The following FNDC3A variants were observed in gnomAD, a reference collection of about 807,000 sequenced individuals.
FNDC3A encodes fibronectin type III domain containing 3A.
FNDC3A carries 32 observed loss-of-function variants against 148.9 expected under a neutral mutation model. The observed-to-expected ratio is 0.21, with a 90% CI of 0.16 to 0.29. The LOEUF is 0.29. Ranked by LOEUF, FNDC3A falls within the 10% of genes least tolerant of loss-of-function variation. The pLI, the probability that FNDC3A is intolerant of heterozygous loss-of-function variation, is 1.00. For synonymous variants in FNDC3A, 472 were observed against 473.6 expected (o/e 1.00, Z 0.04); for missense variants, 1,191 against 1,452.8 (o/e 0.82, Z 2.93).
intron 1 of FNDC3A, among the ~76,000 whole-genome samples, chr13:49,005,161 T>A (rs774901804): frequency 4.6e-5 from 7 of 151,888 alleles, no homozygotes; most frequent in Non-Finnish European, 8.8e-5. Flanking sequence ...GTAGTTGTTA[T>A]ATAGCTACAT....
chr13:49,035,626 T>A (rs898665674), intron 2 of FNDC3A, among the ~76,000 whole-genome samples: 4 of 151,912 alleles, frequency 2.6e-5, no homozygotes, highest in African/African-American at 7.2e-5. Flanking sequence ...GGAAAAAAAA[T>A]TTTCTGATTA....
intron 4 of FNDC3A, among the ~76,000 whole-genome samples, chr13:49,119,075 C>A (rs1881160820): frequency 6.6e-6 from 1 of 152,210 alleles, no homozygotes; most frequent in Non-Finnish European, 1.5e-5. Flanking sequence ...CACCTTCCAG[C>A]AGGGTCGACA....
chr13:49,187,021 T>C (rs2138093688), intron 15 of FNDC3A, 101 bp from the exon 16 acceptor site: 1 of 743,340 alleles, frequency 1.3e-6, no homozygotes, highest in East Asian at 2.7e-5. Context: ...CAGGTGATTT[T>C]TTTTTTTTAA....
chr13:49,076,524 CGTGA>C (rs978910478), intron 3 of FNDC3A, among the ~76,000 whole-genome samples: 6 of 151,906 alleles, frequency 3.9e-5, no homozygotes, highest in African/African-American at 1.5e-4. Context: ...GGATTACAGA[CGTGA>C]GCCTCTGTAC....
chr13:49,055,264 C>G (rs962912436), intron 2 of FNDC3A, among the ~76,000 whole-genome samples: 1 of 152,032 alleles, frequency 6.6e-6, no homozygotes, highest in Non-Finnish European at 1.5e-5. Flanking sequence ...CCACTACACC[C>G]AGCTAGTCTT....
intron 2 of FNDC3A, among the ~76,000 whole-genome samples, chr13:49,017,933 ACT>A (rs1350297106): frequency 6.6e-6 from 1 of 151,504 alleles, no homozygotes; most frequent in Non-Finnish European, 1.5e-5. Context: ...ATTGGCCCCT[ACT>A]CTCTTCTGGC....
At chr13:49,140,230 G>C (rs908941516) in intron 7 of FNDC3A, among the ~76,000 whole-genome samples, 3 of 152,054 alleles carry the variant, frequency 2.0e-5, no homozygotes, top group African/African-American at 7.2e-5. Flanking sequence ...CAGATACTTG[G>C]GATGCTGAGG....
chr13:49,207,018 G>GTTT (rs1393045018), intron 25 of FNDC3A, 63 bp from the exon 26 acceptor site: 3 of 1,240,476 alleles, frequency 2.4e-6, no homozygotes, highest in Non-Finnish European at 3.5e-6. Flanking sequence ...ACACTAGCCA[G>GTTT]TTTTAACACA....
At chr13:49,169,867 G>A (rs891314256) in intron 10 of FNDC3A, among the ~76,000 whole-genome samples, 6 of 152,132 alleles carry the variant, frequency 3.9e-5, no homozygotes, top group Non-Finnish European at 7.4e-5. Context: ...ATATATTCAT[G>A]TGTGATAAAA....
chr13:49,049,218 T>G (rs1482486673), intron 2 of FNDC3A, among the ~76,000 whole-genome samples: 1 of 152,238 alleles, frequency 6.6e-6, no homozygotes, highest in Non-Finnish European at 1.5e-5. Context: ...GCTAGTATTT[T>G]GTTGAGAATT....
At chr13:49,055,164 C>CA (rs1278194519) in intron 2 of FNDC3A, among the ~76,000 whole-genome samples, 3 of 151,464 alleles carry the variant, frequency 2.0e-5, no homozygotes, top group Non-Finnish European at 2.9e-5. Flanking sequence ...GGTGCGGTGT[C>CA]ACGTTCGTGG....
intron 8 of FNDC3A, among the ~76,000 whole-genome samples, chr13:49,164,057 T>C (rs1437345310): frequency 1.3e-5 from 2 of 152,226 alleles, no homozygotes; most frequent in Admixed American, 6.5e-5. Context: ...GCATTTCTTA[T>C]AGAACTGCTG....
rs369671218 is a variant in FNDC3A at position 49,093,757 on chromosome 13, A to G, written c.175+18393A>G. Among the ~76,000 whole-genome samples the G allele has an allele frequency of 7.9e-5, 12 of 152,320 alleles. 1 individual carries two copies. In the East Asian group the frequency reaches 1.7e-3, roughly 22 times the overall value. On this transcript the variant is annotated intron_variant, in intron 3 of 25. Coordinates refer to ENST00000492622, the MANE Select transcript of FNDC3A (RefSeq NM_001079673.2). ...CTTCCTGAAATATTTAATATATTTC[A>G]AAATTGAATGCTGAAACCAAATTAT... is the stretch of plus-strand genomic sequence containing the variant.
intron 1 of FNDC3A, among the ~76,000 whole-genome samples, chr13:48,984,931 C>T (rs972739302): frequency 3.9e-5 from 6 of 152,158 alleles, no homozygotes; most frequent in African/African-American, 9.7e-5. Flanking sequence ...ATCTGCTCGC[C>T]TCAGCCTCCC....
chr13:49,056,744 T>A (rs1876276719), intron 2 of FNDC3A, among the ~76,000 whole-genome samples: 3 of 152,176 alleles, frequency 2.0e-5, no homozygotes, highest in Non-Finnish European at 2.9e-5. Flanking sequence ...TTTTCGAATT[T>A]CAAGCAGTTT....
At chr13:49,135,665 C>G (rs1441769865) in intron 5 of FNDC3A, among the ~76,000 whole-genome samples, 1 of 152,070 alleles carries the variant, frequency 6.6e-6, no homozygotes, top group African/African-American at 2.4e-5. Flanking sequence ...TTTCTCATCA[C>G]AAATTTTAAA....
chr13:49,168,829 T>C (rs1008037932), intron 10 of FNDC3A, 78 bp downstream of exon 10: 5 of 1,326,642 alleles, frequency 3.8e-6, no homozygotes, highest in Non-Finnish European at 5.3e-6. Context: ...TTTCAATTGT[T>C]GCTGGAGACA....
At chr13:48,992,472 G>A (rs1203130696) in intron 1 of FNDC3A, among the ~76,000 whole-genome samples, 1 of 152,012 alleles carries the variant, frequency 6.6e-6, no homozygotes, top group East Asian at 1.9e-4. Context: ...TAACTAAATG[G>A]ACAAAATAAT....
rs180791137 is a variant in FNDC3A, at chr13:49,128,420, G to A, written c.253-2717G>A. On this transcript the variant is annotated intron_variant, in intron 4 of 25. Coordinates refer to ENST00000492622, the MANE Select transcript of FNDC3A (RefSeq NM_001079673.2). ...GTAATGTAAACATTTGAGGTGGGGT[G>A]ATGTTTTTGTTGCCCTCTGTGTTGT... Among the ~76,000 whole-genome samples the A allele has an allele frequency of 2.0e-3, 312 of 152,230 alleles. 3 individuals carry two copies. Among genetic ancestry groups the A allele is most frequent in the African/African-American group, 7.1e-3 (296 of 41,530 alleles).
Sources: gnomAD v4.1 joint callset for allele counts (sites outside exome capture counted in the v4.1 genomes callset) on GRCh38, gnomAD v4.1.1 for gene constraint, MANE v1.5 for transcripts, NCBI Gene and HGNC (gene_info 2026-07-23, HGNC 2026-07-21) for gene names.